WNT3A: variants seen among roughly 807,000 people sequenced by gnomAD.
The protein encoded by WNT3A is Wnt family member 3A.
In WNT3A, 17 loss-of-function variants were observed where a neutral mutation model predicts 37.0. That is an observed-to-expected ratio of 0.46 (90% CI 0.31 to 0.69). The LOEUF (loss-of-function observed/expected upper bound fraction) is 0.69, where lower values mean the gene tolerates loss of function less well. Among genes scored for constraint, WNT3A ranks in the 30% least tolerant of loss-of-function variants. The pLI, the probability that WNT3A is intolerant of heterozygous loss-of-function variation, is 0.05. For synonymous variants in WNT3A, 187 were observed against 211.0 expected, an observed-to-expected ratio of 0.89 and a Z score of 0.99; for missense variants, 411 against 510.2, an observed-to-expected ratio of 0.81 and a Z score of 1.87.
At chr1:228,015,012 AAAAACAAAAC>A (rs998549818) in intron 1 of WNT3A, among the ~76,000 whole-genome samples, 9 of 152,270 alleles carry the variant, frequency 5.9e-5, no homozygotes, top group Non-Finnish European at 7.3e-5. Context: ...TTGTTAGGAA[AAAAACAAAAC>A]AAAACAAAAC....
At chr1:228,032,440 C>T (rs2031034241) in intron 2 of WNT3A, among the ~76,000 whole-genome samples, 2 of 152,212 alleles carry the variant, frequency 1.3e-5, no homozygotes, top group Non-Finnish European at 2.9e-5. Context: ...CTGATGGCAA[C>T]TCCAGCTGCT....
Position 228,059,552 on chromosome 1 carries a change from G to A in WNT3A, c.*87G>A, listed in dbSNP as rs2031752579. On this transcript the variant is annotated 3_prime_UTR_variant, in exon 4 of 4. Coordinates refer to ENST00000284523, the MANE Select transcript of WNT3A (RefSeq NM_033131.4). ...GTGGAGCAGGACTCCCACCTAAACGGGGCAGTACTCCTCCCTGGGGGCGGG... is the reference window on the plus strand; with the variant it reads ...GTGGAGCAGGACTCCCACCTAAACGAGGCAGTACTCCTCCCTGGGGGCGGG... 5 of 1,419,426 alleles carry A rather than the reference G, an allele frequency of 3.5e-6. No homozygotes were observed. Among genetic ancestry groups the A allele is most frequent in the Non-Finnish European group, 4.6e-6 (5 of 1,093,042 alleles). 87.9% of individuals were successfully genotyped at this position (1,419,426 alleles called of 1,614,324 possible).
intron 3 of WNT3A, among the ~76,000 whole-genome samples, chr1:228,051,436 G>A (rs1471823903): frequency 6.6e-6 from 1 of 152,178 alleles, no homozygotes; most frequent in African/African-American, 2.4e-5. Context: ...ACCAAGCCGT[G>A]TAAAGCTTCG....
intron 3 of WNT3A, among the ~76,000 whole-genome samples, chr1:228,054,149 A>G (rs2031618006): frequency 6.6e-6 from 1 of 152,220 alleles, no homozygotes; most frequent in South Asian, 2.1e-4. Context: ...AAGCCAAGCC[A>G]GAAGTAGTCT....
At chr1:228,030,581 T>C (rs542181386) in intron 2 of WNT3A, among the ~76,000 whole-genome samples, 280 of 152,246 alleles carry the variant, frequency 1.8e-3, no homozygotes, top group African/African-American at 6.4e-3. Context: ...TGCCTTGCCC[T>C]TGGACTTGTG....
At position 228,060,151 on chromosome 1, in the gene WNT3A, T is replaced by G; in HGVS notation, c.*686T>G. On this transcript the variant is annotated 3_prime_UTR_variant, in exon 4 of 4. Coordinates refer to ENST00000284523, the MANE Select transcript of WNT3A (RefSeq NM_033131.4). ...ATGGGGCGGGGCTTCTCTCCGCGGG[T>G]GGGACTCTTCCCTGGGAACCGCCCT... 1 of 1,346,958 alleles carries G rather than the reference T, an allele frequency of 7.4e-7. No homozygotes were observed. Among genetic ancestry groups the G allele is most frequent in the Non-Finnish European group, 9.8e-7 (1 of 1,018,824 alleles). The allele number at this position is 1,346,958 out of a possible 1,614,324, so 83.4% of individuals were successfully genotyped here.
At chr1:228,033,665 G>A (rs1479256995) in intron 2 of WNT3A, among the ~76,000 whole-genome samples, 1 of 152,210 alleles carries the variant, frequency 6.6e-6, no homozygotes, top group Non-Finnish European at 1.5e-5. Flanking sequence ...AGTTCCATGT[G>A]AGTTTTAGGA....
rs1558292147 is a variant in WNT3A at position 228,042,797 on chromosome 1, G to A, written c.314-7859G>A. Among the ~76,000 whole-genome samples the A allele has an allele frequency of 6.6e-6, 1 of 151,670 alleles. No individual in the cohort carries two copies. The highest frequency in any genetic ancestry group is 1.5e-5 in the Non-Finnish European group (1 of 67,884). ...GATGATAGATGGATGATGGATAGAT[G>A]TGGATGATGGATGGATGGATAATGG... On this transcript the variant is annotated intron_variant, in intron 2 of 3. Coordinates refer to ENST00000284523, the MANE Select transcript of WNT3A (RefSeq NM_033131.4). The surrounding 1 kb of genome is among the most constrained non-coding windows in gnomAD (Gnocchi z 5.2).
At chr1:228,054,929 G>GGTTAGGAT (rs2031640423) in intron 3 of WNT3A, among the ~76,000 whole-genome samples, 1 of 151,052 alleles carries the variant, frequency 6.6e-6, no homozygotes, top group African/African-American at 2.4e-5. Context: ...GCCGAGGCGA[G>GGTTAGGAT]TTCGAGACTA....
intron 2 of WNT3A, among the ~76,000 whole-genome samples, chr1:228,045,297 G>T (rs112147569): frequency 1.3e-5 from 2 of 152,204 alleles, no homozygotes; most frequent in East Asian, 1.9e-4. Flanking sequence ...TAGCCAGGCC[G>T]TGAGGTGGGA....
chr1:228,059,501 C>T lies in WNT3A; in HGVS notation c.*36C>T. Reference sequence around the variant, plus strand: ...CGGCTCCCCCTGGACGGGGCGGGCCCTGCCTGAGGGTGGGCTTTTCCCTGG... The same window carrying T: ...CGGCTCCCCCTGGACGGGGCGGGCCTTGCCTGAGGGTGGGCTTTTCCCTGG... On this transcript the variant is annotated 3_prime_UTR_variant, in exon 4 of 4. Coordinates refer to ENST00000284523, the MANE Select transcript of WNT3A (RefSeq NM_033131.4). 6.8e-7 allele frequency: 1 copy of T among 1,475,076 alleles called. No homozygotes were observed. The highest frequency in any genetic ancestry group is 8.9e-7 in the Non-Finnish European group (1 of 1,120,874). The allele number at this position is 1,475,076 out of a possible 1,614,324, so 91.4% of individuals were successfully genotyped here. A position where few individuals can be genotyped will look rare whatever the true frequency, so the allele number is the denominator to read the frequency against.
At chr1:228,047,454 C>T (rs1055939824) in intron 2 of WNT3A, among the ~76,000 whole-genome samples, 1 of 151,894 alleles carries the variant, frequency 6.6e-6, no homozygotes, top group Non-Finnish European at 1.5e-5. Flanking sequence ...TGTGTTGGGC[C>T]GTGTGGGAGC....
At chr1:228,058,945 A>AG in intron 3 of WNT3A, 41 bp from the exon 4 acceptor site, 1 of 1,559,486 alleles carries the variant, frequency 6.4e-7, no homozygotes, top group Non-Finnish European at 8.7e-7. Context: ...GAGACGCACC[A>AG]GGGGGCCGCC....
At chr1:228,023,010 T>C (rs570515747) in intron 2 of WNT3A, 102 bp downstream of exon 2, 10 of 1,493,070 alleles carry the variant, frequency 6.7e-6, no homozygotes, top group South Asian at 1.3e-5. Flanking sequence ...GTGGGAACAG[T>C]GCCTCACGCG....
chr1:228,052,752 G>T (rs2031582309), intron 3 of WNT3A, among the ~76,000 whole-genome samples: 1 of 152,200 alleles, frequency 6.6e-6, no homozygotes, highest in African/African-American at 2.4e-5. Flanking sequence ...TTCAGATGCA[G>T]GATGAACTAT....
Position 228,060,643 on chromosome 1 carries a change from C to G in WNT3A, c.*1178C>G, listed in dbSNP as rs935726091. The G allele has an allele frequency of 1.1e-5, 2 of 188,864 alleles. No homozygotes were observed. The highest frequency in any genetic ancestry group is 1.7e-4 in the South Asian group (2 of 11,752). 11.7% of individuals were successfully genotyped at this position (188,864 alleles called of 1,614,324 possible). A position where few individuals can be genotyped will look rare whatever the true frequency, so the allele number is the denominator to read the frequency against. ...GCCCCAGGCCCCGCCCGTCTCTGCT[C>G]TGCTCAGCTGCGCCCCCTTCTTTGC... On this transcript the variant is annotated 3_prime_UTR_variant, in exon 4 of 4. Coordinates refer to ENST00000284523, the MANE Select transcript of WNT3A (RefSeq NM_033131.4).
chr1:228,007,402 G>C lies in WNT3A; in HGVS notation c.71+203G>C, dbSNP rs1006993868. On this transcript the variant is annotated intron_variant, in intron 1 of 3. Transcript: ENST00000284523. The surrounding 1 kb of genome is among the most constrained non-coding windows in gnomAD (Gnocchi z 6.0). ...GGACGCGTGGGTGGCGGAGTTTCCG[G>C]AGACATTGATTCCCGAGCGGGGGAG... Among the ~76,000 whole-genome samples the C allele has an allele frequency of 5.9e-5, 9 of 152,152 alleles. No homozygotes were observed. The highest frequency in any genetic ancestry group is 5.9e-4 in the Admixed American group (9 of 15,280).
At chr1:228,014,675 T>C (rs1408500589) in intron 1 of WNT3A, among the ~76,000 whole-genome samples, 2 of 152,198 alleles carry the variant, frequency 1.3e-5, no homozygotes, top group Non-Finnish European at 2.9e-5. Flanking sequence ...GATGGGAAAT[T>C]GCACATGGGA....
chr1:228,030,257 G>T (rs1049445688), intron 2 of WNT3A, among the ~76,000 whole-genome samples: 8 of 151,828 alleles, frequency 5.3e-5, no homozygotes, highest in East Asian at 3.9e-4. Flanking sequence ...TTAGCCAAGG[G>T]GGGTGGTGGG....
Sources: gnomAD v4.1 joint callset for allele counts (sites outside exome capture counted in the v4.1 genomes callset) on GRCh38, gnomAD v4.1.1 for gene constraint, Gnocchi (gnomAD v3.1) non-coding constraint, MANE v1.5 for transcripts, NCBI Gene and HGNC (gene_info 2026-07-23, HGNC 2026-07-21) for gene names.